The following ACOXL variants were observed in gnomAD, a reference collection of about 807,000 sequenced individuals.
ACOXL encodes acyl-coenzyme A oxidase-like protein.
ACOXL carries 70 observed loss-of-function variants against 71.9 expected under a neutral mutation model. The observed-to-expected ratio is 0.97, with a 90% confidence interval of 0.80 to 1.19. ACOXL has a LOEUF of 1.19. ACOXL is among the 50% of genes most tolerant of loss of function. The probability of loss-of-function intolerance (pLI) is 0.00; values close to 1 mark genes in which losing one functional copy is unlikely to be tolerated. For synonymous variants in ACOXL, 253 were observed against 281.6 expected, an observed-to-expected ratio of 0.90 and a Z score of 1.02; for missense variants, 703 against 736.3, an observed-to-expected ratio of 0.95 and a Z score of 0.52.
chr2:110,819,162 A>G (rs1448036571), intron 9 of ACOXL, among the ~76,000 whole-genome samples: 1 of 152,222 alleles, frequency 6.6e-6, no homozygotes, highest in Admixed American at 6.5e-5. Context: ...GAGGAGAGGC[A>G]TAATAGCAAA....
chr2:110,780,474 CA>C (rs1683187465), intron 2 of ACOXL, among the ~76,000 whole-genome samples: 1 of 152,140 alleles, frequency 6.6e-6, no homozygotes, highest in African/African-American at 2.4e-5. Context: ...CACATGTCCC[CA>C]AAAAGGTTTG....
At chr2:110,966,260 C>A (rs1012716491) in intron 12 of ACOXL, among the ~76,000 whole-genome samples, 2 of 152,192 alleles carry the variant, frequency 1.3e-5, no homozygotes, top group Non-Finnish European at 2.9e-5. Context: ...GGCGAATCCA[C>A]CCCCACTCAG....
chr2:110,985,528 A>G (rs937227240), intron 12 of ACOXL, among the ~76,000 whole-genome samples: 2 of 152,160 alleles, frequency 1.3e-5, no homozygotes, highest in African/African-American at 4.8e-5. Context: ...AAGACATACA[A>G]TGCCTGCATC....
intron 3 of ACOXL, among the ~76,000 whole-genome samples, chr2:110,792,359 G>A (rs1177694091): frequency 2.0e-5 from 3 of 152,210 alleles, no homozygotes; most frequent in African/African-American, 7.2e-5. Flanking sequence ...TGTCTTTGCA[G>A]TCAGTCACCC....
intron 2 of ACOXL, among the ~76,000 whole-genome samples, chr2:110,768,936 G>C (rs1471348831): frequency 6.6e-6 from 1 of 151,366 alleles, no homozygotes; most frequent in African/African-American, 2.4e-5. Flanking sequence ...TCTTCCTCAG[G>C]CCCCTTTTCT....
chr2:110,765,111 T>C (rs186833696), intron 1 of ACOXL, among the ~76,000 whole-genome samples: 1 of 152,382 alleles, frequency 6.6e-6, no homozygotes, highest in East Asian at 1.9e-4. Flanking sequence ...GAGCCACTTG[T>C]TTCTGGCCTC....
chr2:111,116,307 G>A (rs2150095325), intron 17 of ACOXL, among the ~76,000 whole-genome samples: 1 of 152,302 alleles, frequency 6.6e-6, no homozygotes, highest in Admixed American at 6.5e-5. Context: ...ATTTGATGAT[G>A]CTTAACCACA....
At chr2:110,779,091 A>T (rs73956451) in intron 2 of ACOXL, among the ~76,000 whole-genome samples, 1,861 of 152,338 alleles carry the variant, frequency 0.012, 43 homozygotes, top group African/African-American at 0.043. Context: ...AAAATCCTAC[A>T]CTGTCAGGGT....
intron 1 of ACOXL, among the ~76,000 whole-genome samples, chr2:110,734,488 C>G (rs769100933): frequency 6.6e-5 from 10 of 152,224 alleles, no homozygotes; most frequent in African/African-American, 1.9e-4. Flanking sequence ...CCAGGCTGGT[C>G]TTGAACTTCT....
chr2:111,004,206 T>C (rs1031478915), intron 14 of ACOXL, among the ~76,000 whole-genome samples: 4 of 152,230 alleles, frequency 2.6e-5, no homozygotes, highest in African/African-American at 4.8e-5. Flanking sequence ...ATCTTTAAAT[T>C]AAAAAGGCAA....
chr2:110,733,618 A>G (rs1676470793), intron 1 of ACOXL, among the ~76,000 whole-genome samples: 1 of 152,096 alleles, frequency 6.6e-6, no homozygotes, highest in African/African-American at 2.4e-5. Context: ...CCCTCGTTTA[A>G]TTTATTTTGC....
intron 15 of ACOXL, among the ~76,000 whole-genome samples, chr2:111,041,284 C>T (rs1012961901): frequency 6.6e-6 from 1 of 152,130 alleles, no homozygotes; most frequent in Non-Finnish European, 1.5e-5. Flanking sequence ...GAGGGCGAAT[C>T]GCTGCAAGGT....
chr2:111,086,039 C>G (rs1341405776), intron 16 of ACOXL, among the ~76,000 whole-genome samples: 1 of 152,096 alleles, frequency 6.6e-6, no homozygotes, highest in African/African-American at 2.4e-5. Flanking sequence ...TGTTAACAGA[C>G]CAATAATGAG....
At chr2:110,942,992 A>G (rs2060928627) in intron 12 of ACOXL, among the ~76,000 whole-genome samples, 1 of 136,566 alleles carries the variant, frequency 7.3e-6, no homozygotes, top group African/African-American at 2.6e-5. Context: ...GGAGGGAGGG[A>G]GGGAGGAAGG....
At chr2:110,863,540 AT>A (rs1190802427) in intron 10 of ACOXL, among the ~76,000 whole-genome samples, 3 of 152,106 alleles carry the variant, frequency 2.0e-5, no homozygotes, top group South Asian at 2.1e-4. Context: ...AGGAAAAAAA[AT>A]TAAAAATAAG....
intron 11 of ACOXL, among the ~76,000 whole-genome samples, chr2:110,918,956 G>C (rs2149281159): frequency 6.6e-6 from 1 of 152,310 alleles, no homozygotes; most frequent in Non-Finnish European, 1.5e-5. Flanking sequence ...CTGTTGGTGG[G>C]AGTGTAAATT....
chr2:110,765,835 A>G (rs557353988), intron 1 of ACOXL, among the ~76,000 whole-genome samples: 1 of 152,330 alleles, frequency 6.6e-6, no homozygotes, highest in East Asian at 1.9e-4. Flanking sequence ...AGGATCCAAC[A>G]TATACATTTT....
chr2:110,868,252 T>A, intron 10 of ACOXL, among the ~76,000 whole-genome samples: 1 of 152,202 alleles, frequency 6.6e-6, no homozygotes, highest in East Asian at 1.9e-4. Flanking sequence ...GAAACTTACT[T>A]TACAAGTTTG....
At chr2:110,942,921 AAGAG>A (rs1357584390) in intron 12 of ACOXL, among the ~76,000 whole-genome samples, 28 of 148,758 alleles carry the variant, frequency 1.9e-4, no homozygotes, top group African/African-American at 6.7e-4. Flanking sequence ...GAGGGAAAGA[AAGAG>A]AAAGAAAGAA....
Sources: gnomAD v4.1 joint callset for allele counts (sites outside exome capture counted in the v4.1 genomes callset) on GRCh38, gnomAD v4.1.1 for gene constraint, MANE v1.5 for transcripts, NCBI Gene and HGNC (gene_info 2026-07-23, HGNC 2026-07-21) for gene names.